The following PCDHB6 variants were observed in gnomAD, a reference collection of about 807,000 sequenced individuals.
The protein encoded by PCDHB6 is protocadherin beta 6.
For synonymous variants in PCDHB6, 506 were observed against 459.0 expected (o/e 1.10, Z -1.31); for missense variants, 1,137 against 1,010.1 (o/e 1.13, Z -1.70).
chr5:141,150,781 C>G lies in PCDHB6; in HGVS notation c.524C>G (p.Pro175Arg). The change falls in exon 1 of 1, where the codon CCT becomes CGT. Residue 175 changes from proline (P) to arginine (R), a missense_variant. Coordinates refer to ENST00000231136, the MANE Select transcript of PCDHB6 (RefSeq NM_018939.4). ...CAGAGGTACACAATCAGCTCCAACC[C>G]TCACTTCCACGTTCTCACCCGCAAT... ...GLQRYTISSN[P>R]HFHVLTRNRS... 1 of 1,614,222 alleles carries G rather than the reference C, an allele frequency of 6.2e-7. No individual in the cohort carries two copies. The highest frequency in any genetic ancestry group is 8.5e-7 in the Non-Finnish European group (1 of 1,180,036).
At position 141,150,648 on chromosome 5, in the gene PCDHB6, G is replaced by T. The variant is rs1229934376; in HGVS notation, c.391G>T (p.Glu131Ter). The change falls in exon 1 of 1, where the codon GAA (glutamate) becomes TAA (stop). Residue 131 changes from glutamate (E) to a stop codon, truncating the protein, a stop_gained. Transcript: ENST00000231136. LOFTEE classifies it low-confidence loss of function (END_TRUNC). ...RVRDINDHAP[E>*]FPAREMLLKI... is the part of the protein sequence containing the mutation. ...CAGAGATATAAATGACCACGCCCCGGAATTCCCTGCCAGAGAAATGCTCCT... is the reference window on the plus strand; with the variant it reads ...CAGAGATATAAATGACCACGCCCCGTAATTCCCTGCCAGAGAAATGCTCCT... The T allele has an allele frequency of 3.1e-6, 5 of 1,614,136 alleles. No individual in the cohort carries two copies. In the East Asian group the frequency reaches 8.9e-5, roughly 29 times the overall value.
rs782257197 is a variant in PCDHB6 at position 141,150,439 on chromosome 5, G to C, written c.182G>C (p.Arg61Pro). Reference protein sequence around the residue: ...LGLRVGELASRGARVVFKGNR... With the variant: ...LGLRVGELASPGARVVFKGNR... Reference sequence around the variant, plus strand: ...CTGAGGGTGGGGGAGCTGGCTTCGCGGGGCGCTCGGGTTGTTTTCAAAGGG... The same window carrying C: ...CTGAGGGTGGGGGAGCTGGCTTCGCCGGGCGCTCGGGTTGTTTTCAAAGGG... The change falls in exon 1 of 1, where the codon CGG becomes CCG. Residue 61 changes from arginine to proline, a missense_variant. Coordinates refer to ENST00000231136, the MANE Select transcript of PCDHB6 (RefSeq NM_018939.4). 7 of 1,614,064 alleles carry C rather than the reference G, an allele frequency of 4.3e-6. No individual in the cohort carries two copies. In the East Asian group the frequency reaches 1.1e-4, roughly 26 times the overall value.
In PCDHB6 at chr5:141,152,147, G is replaced by C. The variant is rs1554277927; in HGVS notation, c.1890G>C (p.Glu630Asp). 1 of 1,608,000 alleles carries C rather than the reference G, an allele frequency of 6.2e-7. No homozygotes were observed. The highest frequency in any genetic ancestry group is 8.5e-7 in the Non-Finnish European group (1 of 1,179,722). Residue 630 changes from glutamate to aspartate, a missense_variant, in exon 1 of 1, where the codon GAG (glutamate) becomes GAC (aspartate). Physicochemically the swap from Glu to Asp is conservative, Grantham distance 45 (BLOSUM62 2). Transcript: ENST00000231136. ...GEVRTARLLS[E>D]RDAAKHRLVV... ...TGCGCACCGCCAGGCTGCTGAGCGA[G>C]CGAGACGCAGCCAAGCACAGGCTGG...
rs1554277499 is a variant in PCDHB6 at position 141,150,715 on chromosome 5, T to G, written c.458T>G (p.Leu153Trp). 3.7e-6 allele frequency: 6 copies of G among 1,614,236 alleles called. No homozygotes were observed. Among genetic ancestry groups the G allele is most frequent in the Non-Finnish European group, 5.1e-6 (6 of 1,180,046 alleles). Residue 153 changes from leucine to tryptophan, a missense_variant, in exon 1 of 1, where the codon TTG (leucine) becomes TGG (tryptophan). Coordinates refer to ENST00000231136, the MANE Select transcript of PCDHB6 (RefSeq NM_018939.4). ...EITMPGKIFP[L>W]KMAHDLDTGS... is the part of the protein sequence containing the mutation. ...ACTATGCCAGGAAAGATATTTCCTT[T>G]GAAAATGGCACACGATTTAGACACC...
Position 141,151,905 on chromosome 5 carries a change from C to G in PCDHB6, c.1648C>G (p.Leu550Val). 4.3e-6 allele frequency: 7 copies of G among 1,611,666 alleles called. No homozygotes were observed. Among genetic ancestry groups the G allele is most frequent in the Non-Finnish European group, 5.1e-6 (6 of 1,179,768 alleles). The part of the protein sequence containing the change: ...SSEALVRLLV[L>V]DANDNSPFVL... ...CGAGGCGCTGGTGCGCTTGCTGGTG[C>G]TGGACGCCAACGACAACTCGCCCTT... Residue 550 changes from leucine to valine, a missense_variant, in exon 1 of 1, where the codon CTG becomes GTG. Leu to Val is a conservative substitution (Grantham distance 32). Transcript: ENST00000231136.
Position 141,152,300 on chromosome 5 carries a change from C to CTT in PCDHB6, c.2043_2044insTT (p.Asp682LeufsTer57), listed in dbSNP as rs1752903955. Reference sequence around the variant, plus strand: ...AGGCGGCCCCGGCCCAAGCCCAGGCCGACTCTCTCACCGTCTACCTGGTGG... The same window carrying CTT: ...AGGCGGCCCCGGCCCAAGCCCAGGCCTTGACTCTCTCACCGTCTACCTGGTGG... On this transcript the variant is annotated frameshift_variant, in exon 1 of 1. Transcript: ENST00000231136. LOFTEE classifies it low-confidence loss of function (END_TRUNC). The CTT allele has an allele frequency of 2.5e-6, 4 of 1,608,668 alleles. No homozygotes were observed. In the African/African-American group the frequency reaches 5.3e-5, roughly 22 times the overall value.
At position 141,151,835 on chromosome 5, in the gene PCDHB6, G is replaced by C. The variant is rs782009768; in HGVS notation, c.1578G>C (p.Glu526Asp). The change falls in exon 1 of 1, where the codon GAG becomes GAC. Residue 526 changes from glutamate (E) to aspartate (D), a missense_variant. Transcript: ENST00000231136. The stretch of plus-strand genomic sequence containing the variant: ...ACTACGAGGCCCTGCAGTCTTTCGA[G>C]TTCCGCGTGGGCGCCACAGACCGCG... Reference protein sequence around the residue: ...SLDYEALQSFEFRVGATDRGS... With the variant: ...SLDYEALQSFDFRVGATDRGS... The C allele has an allele frequency of 2.4e-5, 38 of 1,612,614 alleles. No individual in the cohort carries two copies. The highest frequency in any genetic ancestry group is 1.7e-5 in the Admixed American group (1 of 60,006).
chr5:141,152,620 G>A lies in PCDHB6; in HGVS notation c.2363G>A (p.Arg788Gln). 1.2e-6 allele frequency: 2 copies of A among 1,602,690 alleles called. No individual in the cohort carries two copies. The highest frequency in any genetic ancestry group is 2.2e-5 in the East Asian group (1 of 44,694). Residue 788 changes from arginine (R) to glutamine (Q), a missense_variant, in exon 1 of 1, where the codon CGG becomes CAG. By Grantham distance (43) the Arg-to-Gln change is conservative. Coordinates refer to ENST00000231136, the MANE Select transcript of PCDHB6 (RefSeq NM_018939.4). ...EREMEETPTS[R>Q]NSFPFS Reference sequence around the variant, plus strand: ...GAAATGGAAGAAACCCCCACCTCTCGGAATAGCTTCCCGTTCAGTTAAGTG... The same window carrying A: ...GAAATGGAAGAAACCCCCACCTCTCAGAATAGCTTCCCGTTCAGTTAAGTG...
rs61740587 is a variant in PCDHB6, at chr5:141,152,282, C to G, written c.2025C>G (p.Ala675=). 2 of 1,608,436 alleles carry G rather than the reference C, an allele frequency of 1.2e-6. No homozygotes were observed. Among genetic ancestry groups the G allele is most frequent in the Non-Finnish European group, 1.7e-6 (2 of 1,179,798 alleles). ...CCTACCTGCCTCTCCCTGAGGCGGC[C>G]CCGGCCCAAGCCCAGGCCGACTCTC... ...SQPYLPLPEA[A]PAQAQADSLT... The change falls in exon 1 of 1, where the codon GCC becomes GCG. Residue 675 remains alanine, a synonymous_variant. Transcript: ENST00000231136.
chr5:141,151,156 G>T lies in PCDHB6; in HGVS notation c.899G>T (p.Arg300Leu). 6.2e-7 allele frequency: 1 copy of T among 1,614,154 alleles called. No homozygotes were observed. Among genetic ancestry groups the T allele is most frequent in the Non-Finnish European group, 8.5e-7 (1 of 1,180,034 alleles). Residue 300 changes from arginine (R) to leucine (L), a missense_variant, in exon 1 of 1, where the codon CGG becomes CTG. Physicochemically the swap from Arg to Leu is moderately radical, Grantham distance 102 (BLOSUM62 -2). Coordinates refer to ENST00000231136, the MANE Select transcript of PCDHB6 (RefSeq NM_018939.4). ...ATAAACGCAATCACAGGAGAAATTC[G>T]GCTGAGAAAGGCTTTGGATTTTGAG... Reference protein sequence around the residue: ...FEINAITGEIRLRKALDFEEI... With the variant: ...FEINAITGEILLRKALDFEEI...
chr5:141,152,228 C>T lies in PCDHB6; in HGVS notation c.1971C>T (p.His657=), dbSNP rs144163072. ...EPPRSATATL[H]VLLVDGFSQP... ...CGCGCTCGGCCACCGCCACGCTGCA[C>T]GTGCTCCTGGTGGACGGCTTCTCCC... is the stretch of plus-strand genomic sequence containing the variant. Residue 657 remains histidine, a synonymous_variant, in exon 1 of 1, where the codon CAC becomes CAT. Transcript: ENST00000231136. 207 of 1,607,112 alleles carry T rather than the reference C, an allele frequency of 1.3e-4. No individual in the cohort carries two copies. The highest frequency in any genetic ancestry group is 1.6e-4 in the Non-Finnish European group (183 of 1,179,762).
In PCDHB6 at chr5:141,153,253, T is replaced by A. The variant is rs529126005; in HGVS notation, c.*611T>A. On this transcript the variant is annotated 3_prime_UTR_variant, in exon 1 of 1. Transcript: ENST00000231136. ...TTTAAAAAAAAAGTCGTGCCAATTA[T>A]AAGTGCTTAATAAATATTTGCTGAA... is the stretch of plus-strand genomic sequence containing the variant. The A allele has an allele frequency of 6.2e-4, 103 of 165,552 alleles. 3 individuals carry two copies. Among genetic ancestry groups the A allele is most frequent in the African/African-American group, 2.4e-3 (100 of 41,496 alleles). The allele number at this position is 165,552 out of a possible 1,614,324, so 10.3% of individuals were successfully genotyped here.
rs375622168 is a variant in PCDHB6 at position 141,152,381 on chromosome 5, G to C, written c.2124G>C (p.Ala708=). ...LFLFSVLLFV[A]VRLCRRSRAA... ...TCTTTTCGGTGCTCCTGTTCGTGGC[G>C]GTGCGGCTGTGCAGGAGGAGCAGGG... The change falls in exon 1 of 1, where the codon GCG becomes GCC. Residue 708 remains alanine, a synonymous_variant. Coordinates refer to ENST00000231136, the MANE Select transcript of PCDHB6 (RefSeq NM_018939.4). 33 of 1,612,174 alleles carry C rather than the reference G, an allele frequency of 2.0e-5. No individual in the cohort carries two copies. The highest frequency in any genetic ancestry group is 1.8e-4 in the Middle Eastern group (1 of 5,690).
Position 141,150,297 on chromosome 5 carries a change from G to A in PCDHB6, c.40G>A (p.Ala14Thr). ...AGTACAGAACAAGAAAAGGCAAGTGGCTTTCTTCATTTTATTGATGCTTTG... is the reference window on the plus strand; with the variant it reads ...AGTACAGAACAAGAAAAGGCAAGTGACTTTCTTCATTTTATTGATGCTTTG... The part of the protein sequence containing the change: ...TKVQNKKRQV[A>T]FFILLMLWGE... The change falls in exon 1 of 1, where the codon GCT becomes ACT. Residue 14 changes from alanine to threonine, a missense_variant. Physicochemically the swap from Ala to Thr is moderately conservative, Grantham distance 58 (BLOSUM62 0). Coordinates refer to ENST00000231136, the MANE Select transcript of PCDHB6 (RefSeq NM_018939.4). 1 of 1,613,750 alleles carries A rather than the reference G, an allele frequency of 6.2e-7. No homozygotes were observed. The highest frequency in any genetic ancestry group is 8.5e-7 in the Non-Finnish European group (1 of 1,179,726).
At position 141,152,619 on chromosome 5, in the gene PCDHB6, C is replaced by A; in HGVS notation, c.2362C>A (p.Arg788=). The change falls in exon 1 of 1, where the codon CGG becomes AGG. Residue 788 remains arginine, a synonymous_variant. Coordinates refer to ENST00000231136, the MANE Select transcript of PCDHB6 (RefSeq NM_018939.4). The part of the protein sequence containing the change: ...EREMEETPTS[R]NSFPFS ...AGAAATGGAAGAAACCCCCACCTCT[C>A]GGAATAGCTTCCCGTTCAGTTAAGT... is the stretch of plus-strand genomic sequence containing the variant. The A allele has an allele frequency of 6.2e-7, 1 of 1,603,210 alleles. No homozygotes were observed. The highest frequency in any genetic ancestry group is 8.5e-7 in the Non-Finnish European group (1 of 1,173,332).
chr5:141,150,689 T>G lies in PCDHB6; in HGVS notation c.432T>G (p.Ile144Met), dbSNP rs781957307. 1.2e-6 allele frequency: 2 copies of G among 1,614,148 alleles called. No individual in the cohort carries two copies. The highest frequency in any genetic ancestry group is 1.7e-6 in the Non-Finnish European group (2 of 1,180,032). Reference protein sequence around the residue: ...AREMLLKISEITMPGKIFPLK... With the variant: ...AREMLLKISEMTMPGKIFPLK... ...AAATGCTCCTGAAAATATCAGAAAT[T>G]ACTATGCCAGGAAAGATATTTCCTT... Residue 144 changes from isoleucine to methionine, a missense_variant, in exon 1 of 1, where the codon ATT (isoleucine) becomes ATG (methionine). Ile to Met is a conservative substitution (Grantham distance 10). Transcript: ENST00000231136.
chr5:141,150,867 C>A lies in PCDHB6; in HGVS notation c.610C>A (p.Gln204Lys), dbSNP rs1752837885. 3 of 1,614,100 alleles carry A rather than the reference C, an allele frequency of 1.9e-6. No homozygotes were observed. Among genetic ancestry groups the A allele is most frequent in the Non-Finnish European group, 2.5e-6 (3 of 1,180,054 alleles). ...AGACAAACCGTTGGACCGCGAGGAGCAGCCCCAACTCAGGCTAACGCTGAT... is the reference window on the plus strand; with the variant it reads ...AGACAAACCGTTGGACCGCGAGGAGAAGCCCCAACTCAGGCTAACGCTGAT... Reference protein sequence around the residue: ...VLDKPLDREEQPQLRLTLIAL... With the variant: ...VLDKPLDREEKPQLRLTLIAL... Residue 204 changes from glutamine (Q) to lysine (K), a missense_variant, in exon 1 of 1, where the codon CAG becomes AAG. Physicochemically the swap from Gln to Lys is moderately conservative, Grantham distance 53. Transcript: ENST00000231136.
Position 141,152,498 on chromosome 5 carries a change from C to T in PCDHB6, c.2241C>T (p.Tyr747=), listed in dbSNP as rs1752913580. Residue 747 remains tyrosine, a synonymous_variant, in exon 1 of 1, where the codon TAC becomes TAT. Coordinates refer to ENST00000231136, the MANE Select transcript of PCDHB6 (RefSeq NM_018939.4). Reference sequence around the variant, plus strand: ...GCACCGGGACCCTATCCCAGAGCTACCAGTACAAGGTGTGTCTGACGGGAG... The same window carrying T: ...GCACCGGGACCCTATCCCAGAGCTATCAGTACAAGGTGTGTCTGACGGGAG... ...VSGTGTLSQS[Y]QYKVCLTGGS... 1.1e-5 allele frequency: 17 copies of T among 1,613,978 alleles called. No individual in the cohort carries two copies. Among genetic ancestry groups the T allele is most frequent in the Middle Eastern group, 1.6e-4 (1 of 6,084 alleles).
Position 141,152,079 on chromosome 5 carries a change from A to G in PCDHB6, c.1822A>G (p.Thr608Ala). 1.2e-6 allele frequency: 2 copies of G among 1,606,978 alleles called. No homozygotes were observed. Among genetic ancestry groups the G allele is most frequent in the Non-Finnish European group, 1.7e-6 (2 of 1,179,630 alleles). The change falls in exon 1 of 1, where the codon ACG becomes GCG. Residue 608 changes from threonine to alanine, a missense_variant. By Grantham distance (58) the Thr-to-Ala change is moderately conservative (BLOSUM62 0). Coordinates refer to ENST00000231136, the MANE Select transcript of PCDHB6 (RefSeq NM_018939.4). ...GCTGTCGTACCAGCTGCTCAAGGCC[A>G]CGGAGCTCGGTCTGTTCGGCGTGTG... ...AWLSYQLLKA[T>A]ELGLFGVWAH... is the part of the protein sequence containing the mutation.
Sources: allele counts gnomAD v4.1 joint callset, GRCh38; gene constraint gnomAD v4.1.1; transcripts MANE v1.5; gene names NCBI Gene and HGNC (gene_info 2026-07-23, HGNC 2026-07-21).